Variants in RNF144A observed in about 807,000 individuals in gnomAD.
RNF144A encodes the protein ring finger protein 144A.
RNF144A carries 11 observed loss-of-function variants against 38.7 expected under a neutral mutation model. The ratio of observed to expected loss-of-function variants is 0.28; its 90% CI spans 0.18 to 0.47. The LOEUF (loss-of-function observed/expected upper bound fraction) is 0.47, where lower values mean the gene tolerates loss of function less well. Ranked by LOEUF, RNF144A falls within the 20% of genes least tolerant of loss-of-function variation. The pLI, the probability that RNF144A is intolerant of heterozygous loss-of-function variation, is 0.99. For synonymous variants in RNF144A, 149 were observed against 143.9 expected (o/e 1.04, Z -0.25); for missense variants, 316 against 377.2 (o/e 0.84, Z 1.34).
At chr2:7,051,452 G>A (rs780187227) in intron 6 of RNF144A, among the ~76,000 whole-genome samples, 8 of 152,200 alleles carry the variant, frequency 5.3e-5, no homozygotes, top group East Asian at 1.9e-4. Flanking sequence ...ATTTGCCTAC[G>A]CCACGGTAGC....
intron 1 of RNF144A, among the ~76,000 whole-genome samples, chr2:6,921,302 C>T (rs948823922): frequency 6.6e-6 from 1 of 152,206 alleles, no homozygotes; most frequent in African/African-American, 2.4e-5. Context: ...AAGCTGGATG[C>T]AGTGTTCCAG....
intron 2 of RNF144A, among the ~76,000 whole-genome samples, chr2:6,951,353 A>G (rs1666667453): frequency 6.6e-6 from 1 of 151,598 alleles, no homozygotes; most frequent in South Asian, 2.1e-4. Context: ...CCTGCTCTTA[A>G]TGACTCCAGC....
intron 1 of RNF144A, among the ~76,000 whole-genome samples, chr2:6,938,250 C>CCCTTT (rs1558364934): frequency 2.8e-4 from 32 of 114,504 alleles, no homozygotes; most frequent in African/African-American, 4.4e-4. Flanking sequence ...CCTCCCCTCC[C>CCCTTT]TTTTTTTTTT....
chr2:7,051,801 A>G (rs781363749), intron 6 of RNF144A, among the ~76,000 whole-genome samples: 22 of 152,302 alleles, frequency 1.4e-4, no homozygotes, highest in South Asian at 4.1e-4. Context: ...AGGCAGGAGA[A>G]TCGCTTGAAT....
At chr2:6,960,967 C>T (rs1216414696) in intron 2 of RNF144A, among the ~76,000 whole-genome samples, 6 of 152,000 alleles carry the variant, frequency 3.9e-5, no homozygotes, top group Non-Finnish European at 5.9e-5. Flanking sequence ...ATTGTGTGTG[C>T]GTGTGTGTGT....
At chr2:6,960,783 G>A (rs1667285053) in intron 2 of RNF144A, among the ~76,000 whole-genome samples, 1 of 152,190 alleles carries the variant, frequency 6.6e-6, no homozygotes, top group Non-Finnish European at 1.5e-5. Context: ...CTTCACCGCA[G>A]ACAGGCAGGT....
At chr2:7,046,781 A>T (rs1052070057), downstream of RNF144A, among the ~76,000 whole-genome samples, 1 of 152,246 alleles carries the variant, frequency 6.6e-6, no homozygotes, top group African/African-American at 2.4e-5. Flanking sequence ...AATGGAGTCA[A>T]TATTTTCATA....
chr2:7,048,373 C>T (rs1017812916), downstream of RNF144A, among the ~76,000 whole-genome samples: 1 of 152,212 alleles, frequency 6.6e-6, no homozygotes, highest in Non-Finnish European at 1.5e-5. Context: ...CAAAACCACC[C>T]TGGGACGTAA....
intron 3 of RNF144A, among the ~76,000 whole-genome samples, chr2:6,998,867 C>A (rs1321725902): frequency 6.6e-6 from 1 of 151,778 alleles, no homozygotes; most frequent in Non-Finnish European, 1.5e-5. Flanking sequence ...GATCGAATGG[C>A]TCCCCCTCTG....
At chr2:7,027,981 G>A in intron 7 of RNF144A, among the ~76,000 whole-genome samples, 1 of 135,600 alleles carries the variant, frequency 7.4e-6, no homozygotes, top group South Asian at 2.8e-4. Flanking sequence ...AGATGAGGGT[G>A]GGGGGCGGGG....
intron 2 of RNF144A, among the ~76,000 whole-genome samples, chr2:6,972,670 T>C (rs1466924831): frequency 6.6e-6 from 1 of 152,186 alleles, no homozygotes; most frequent in African/African-American, 2.4e-5. Flanking sequence ...CTAACAAGGC[T>C]GCCAGCTGTG....
chr2:6,923,976 A>G (rs539095831), intron 1 of RNF144A, among the ~76,000 whole-genome samples: 4 of 152,308 alleles, frequency 2.6e-5, no homozygotes, highest in African/African-American at 9.6e-5. Context: ...TTGTTAAGTG[A>G]TTGAATACAA....
intron 3 of RNF144A, among the ~76,000 whole-genome samples, chr2:7,003,681 T>A (rs1297966695): frequency 1.3e-5 from 2 of 152,218 alleles, no homozygotes; most frequent in Admixed American, 1.3e-4. Flanking sequence ...GAATGTATTC[T>A]CTTCTTGGAC....
chr2:7,076,110 G>A, the RNF144A span, among the ~76,000 whole-genome samples: 84 of 152,314 alleles, frequency 5.5e-4, no homozygotes, highest in African/African-American at 1.9e-3. Flanking sequence ...TGCACATGGA[G>A]CAGTTTCCTG....
intron 6 of RNF144A, among the ~76,000 whole-genome samples, chr2:7,057,858 A>G (rs432588): frequency 0.42 from 63,299 of 152,012 alleles, 13,863 homozygotes; most frequent in South Asian, 0.55. Flanking sequence ...TGTTAAGCAG[A>G]GATTTATTAG....
intron 1 of RNF144A, among the ~76,000 whole-genome samples, chr2:6,935,865 C>CT (rs1020173284): frequency 2.6e-5 from 4 of 152,232 alleles, no homozygotes; most frequent in Non-Finnish European, 2.9e-5. Flanking sequence ...GAGGGACATC[C>CT]ATGTCATGGA....
rs1202721720 is a variant in RNF144A at position 6,940,930 on chromosome 2, TC to T, written c.-211-17del. 6.6e-6 allele frequency: 1 copy of T among 152,420 alleles called. No individual in the cohort carries two copies. Among genetic ancestry groups the T allele is most frequent in the African/African-American group, 2.4e-5 (1 of 41,442 alleles). 9.4% of individuals were successfully genotyped at this position (152,420 alleles called of 1,614,324 possible). On this transcript the variant is annotated splice_polypyrimidine_tract_variant and intron_variant, in intron 1 of 8. Coordinates refer to ENST00000320892, the MANE Select transcript of RNF144A (RefSeq NM_014746.6). ...TCCCTGCTCCTCTAACTGCCTGTGTTCTTCTCTTGTTTCTTAGGCATCCAGT... is the reference window on the plus strand; with the variant it reads ...TCCCTGCTCCTCTAACTGCCTGTGTTTTCTCTTGTTTCTTAGGCATCCAGT...
Position 7,040,077 on chromosome 2 carries a change from C to A in RNF144A, c.*317C>A. 1 of 1,068,510 alleles carries A rather than the reference C, an allele frequency of 9.4e-7. No individual in the cohort carries two copies. Among genetic ancestry groups the A allele is most frequent in the Non-Finnish European group, 1.1e-6 (1 of 883,080 alleles). The allele number at this position is 1,068,510 out of a possible 1,614,324, so 66.2% of individuals were successfully genotyped here. ...GTAGACTAGGCATGTCTGGGGATGGCCTAAGAGACTTTCTGCTCCTTGGCT... is the reference window on the plus strand; with the variant it reads ...GTAGACTAGGCATGTCTGGGGATGGACTAAGAGACTTTCTGCTCCTTGGCT... On this transcript the variant is annotated 3_prime_UTR_variant, in exon 9 of 9. Coordinates refer to ENST00000320892, the MANE Select transcript of RNF144A (RefSeq NM_014746.6).
At chr2:6,966,969 C>T (rs927551912) in intron 2 of RNF144A, among the ~76,000 whole-genome samples, 1 of 152,188 alleles carries the variant, frequency 6.6e-6, no homozygotes, top group African/African-American at 2.4e-5. Context: ...TCCCGACTGA[C>T]CTTCCTCTCT....
Sources: gnomAD v4.1 joint callset for allele counts (sites outside exome capture counted in the v4.1 genomes callset) on GRCh38, gnomAD v4.1.1 for gene constraint, MANE v1.5 for transcripts, NCBI Gene and HGNC (gene_info 2026-07-23, HGNC 2026-07-21) for gene names.